Variants in CSMD1 observed in about 807,000 individuals in gnomAD.
The protein encoded by CSMD1 is CUB and sushi domain-containing protein 1.
In CSMD1, 213 loss-of-function variants were observed where a neutral mutation model predicts 417.5. The ratio of observed to expected loss-of-function variants is 0.51; its 90% CI spans 0.46 to 0.57. The LOEUF (loss-of-function observed/expected upper bound fraction) is 0.57, where lower values mean the gene tolerates loss of function less well. Ranked by LOEUF, CSMD1 falls within the 20% of genes least tolerant of loss-of-function variation. The pLI is 0.00. For missense variants in CSMD1, 6,923 were observed against 4,529.7 expected, an observed-to-expected ratio of 1.53 and a Z score of -15.17; for synonymous variants, 2,862 against 1,736.8, an observed-to-expected ratio of 1.65 and a Z score of -16.11.
At chr8:4,416,903 T>C (rs563477235) in intron 3 of CSMD1, among the ~76,000 whole-genome samples, 1 of 152,166 alleles carries the variant, frequency 6.6e-6, no homozygotes, top group South Asian at 2.1e-4. Flanking sequence ...ACTGGGCATA[T>C]CTAGGAATTT....
chr8:4,209,367 G>C (rs1267373551), intron 3 of CSMD1, among the ~76,000 whole-genome samples: 1 of 152,126 alleles, frequency 6.6e-6, no homozygotes, highest in Admixed American at 6.5e-5. Context: ...AGGACACATA[G>C]ATTCCCATCC....
chr8:3,924,847 C>T (rs562094659), intron 5 of CSMD1, among the ~76,000 whole-genome samples: 123 of 152,160 alleles, frequency 8.1e-4, no homozygotes, highest in Middle Eastern at 6.8e-3. Flanking sequence ...TTTTGTCAGG[C>T]GGTTCAAAAA....
intron 2 of CSMD1, among the ~76,000 whole-genome samples, chr8:4,557,181 T>A (rs1798133365): frequency 6.6e-6 from 1 of 152,198 alleles, no homozygotes. Flanking sequence ...AGTTAGAATT[T>A]GGTGACGGAT....
At chr8:4,255,321 G>C (rs907258832) in intron 3 of CSMD1, among the ~76,000 whole-genome samples, 1 of 152,136 alleles carries the variant, frequency 6.6e-6, no homozygotes, top group African/African-American at 2.4e-5. Flanking sequence ...TCCAGGAGGG[G>C]AGCTGTTAAT....
At chr8:4,733,930 T>C (rs926324990) in intron 1 of CSMD1, among the ~76,000 whole-genome samples, 3 of 152,166 alleles carry the variant, frequency 2.0e-5, no homozygotes, top group Non-Finnish European at 4.4e-5. Flanking sequence ...ATAGCATTTA[T>C]GGTAATTAGC....
intron 5 of CSMD1, among the ~76,000 whole-genome samples, chr8:3,812,226 G>A (rs1801129246): frequency 6.6e-6 from 1 of 152,086 alleles, no homozygotes; most frequent in Admixed American, 6.5e-5. Flanking sequence ...GTACTCAAAA[G>A]ATACAGGAAA....
Position 4,818,004 on chromosome 8 carries a change from T to C in CSMD1, c.85+176328A>G, listed in dbSNP as rs191370468. Among the ~76,000 whole-genome samples the C allele has an allele frequency of 3.3e-5, 5 of 152,288 alleles. No homozygotes were observed. In the East Asian group the frequency reaches 5.8e-4, roughly 18 times the overall value. ...TTCACATTGAGGTATTATGCATCATTATAATAAGGTTCAGTCAGCGTCACA... is the reference window on the plus strand; with the variant it reads ...TTCACATTGAGGTATTATGCATCATCATAATAAGGTTCAGTCAGCGTCACA... On this transcript the variant is annotated intron_variant, in intron 1 of 69. Coordinates refer to ENST00000635120, the MANE Select transcript of CSMD1 (RefSeq NM_033225.6).
intron 5 of CSMD1, among the ~76,000 whole-genome samples, chr8:3,858,885 C>A (rs1181176032): frequency 6.6e-6 from 1 of 152,028 alleles, no homozygotes; most frequent in East Asian, 1.9e-4. Context: ...TTTATCGTGA[C>A]AATGTAAATC....
At chr8:4,320,790 A>T (rs1799228380) in intron 3 of CSMD1, among the ~76,000 whole-genome samples, 1 of 152,076 alleles carries the variant, frequency 6.6e-6, no homozygotes, top group South Asian at 2.1e-4. Flanking sequence ...TTCCTCAAGG[A>T]TCTAGAACTA....
chr8:3,645,116 G>A (rs960893514), intron 7 of CSMD1, among the ~76,000 whole-genome samples: 2 of 151,900 alleles, frequency 1.3e-5, no homozygotes, highest in East Asian at 1.9e-4. Context: ...GCCTGCTAAG[G>A]CCATGTTCAA....
chr8:4,370,604 C>T (rs1227683835), intron 3 of CSMD1, among the ~76,000 whole-genome samples: 1 of 152,146 alleles, frequency 6.6e-6, no homozygotes, highest in Non-Finnish European at 1.5e-5. Flanking sequence ...TGCATAATCT[C>T]ATATTTTTGG....
chr8:4,835,331 G>T (rs1229289190), intron 1 of CSMD1, among the ~76,000 whole-genome samples: 1 of 152,114 alleles, frequency 6.6e-6, no homozygotes, highest in African/African-American at 2.4e-5. Context: ...TGACCATGAG[G>T]GTCAATGCAA....
At chr8:4,709,487 G>A (rs1017725131) in intron 1 of CSMD1, among the ~76,000 whole-genome samples, 3 of 152,212 alleles carry the variant, frequency 2.0e-5, no homozygotes, top group Non-Finnish European at 4.4e-5. Flanking sequence ...AACAGGGGGA[G>A]CCTCATGTGC....
chr8:3,906,608 G>A (rs996180651), intron 5 of CSMD1, among the ~76,000 whole-genome samples: 2 of 149,380 alleles, frequency 1.3e-5, no homozygotes, highest in Non-Finnish European at 3.0e-5. Context: ...TAATACTCTA[G>A]AATCTAACAA....
At position 3,947,934 on chromosome 8, in the gene CSMD1, G is replaced by A. The variant is rs192294964; in HGVS notation, c.818+49969C>T. 3.9e-5 allele frequency among the ~76,000 whole-genome samples: 6 copies of A among 152,268 alleles called. No homozygotes were observed. In the East Asian group the frequency reaches 1.2e-3, roughly 29 times the overall value. On this transcript the variant is annotated intron_variant, in intron 5 of 69. Coordinates refer to ENST00000635120, the MANE Select transcript of CSMD1 (RefSeq NM_033225.6). ...AAATCTCCAATGGTAGGCTGGGGGT[G>A]GCGTCTCATGCCTGTAATCCCAGCA...
At chr8:3,623,874 G>C (rs1213530603) in intron 7 of CSMD1, among the ~76,000 whole-genome samples, 1 of 152,110 alleles carries the variant, frequency 6.6e-6, no homozygotes, top group Non-Finnish European at 1.5e-5. Flanking sequence ...CTACTCTGGA[G>C]GCTGAGGCAG....
Position 4,119,735 on chromosome 8 carries a change from A to C in CSMD1, c.416-87636T>G, listed in dbSNP as rs1000803541. Among the ~76,000 whole-genome samples the C allele has an allele frequency of 4.6e-5, 7 of 152,190 alleles. No homozygotes were observed. In the East Asian group the frequency reaches 5.8e-4, roughly 13 times the overall value. Reference sequence around the variant, plus strand: ...GTCTGATCACAAACTTCCAGCCTCCAAACAGTGGGAAATGAACATCCATGG... The same window carrying C: ...GTCTGATCACAAACTTCCAGCCTCCCAACAGTGGGAAATGAACATCCATGG... On this transcript the variant is annotated intron_variant, in intron 3 of 69. Coordinates refer to ENST00000635120, the MANE Select transcript of CSMD1 (RefSeq NM_033225.6).
intron 3 of CSMD1, among the ~76,000 whole-genome samples, chr8:4,336,956 G>C (rs1800209215): frequency 6.6e-6 from 1 of 151,998 alleles, no homozygotes; most frequent in Admixed American, 6.6e-5. Context: ...TGTTGAAATG[G>C]AGCAAACCCT....
chr8:3,560,676 T>C (rs370315626), intron 10 of CSMD1, among the ~76,000 whole-genome samples: 4 of 152,192 alleles, frequency 2.6e-5, no homozygotes, highest in East Asian at 1.9e-4. Context: ...ACTGTCTTCA[T>C]GGAAACCATG....
Sources: allele counts gnomAD v4.1 joint callset (sites outside exome capture counted in the v4.1 genomes callset), GRCh38; gene constraint gnomAD v4.1.1; transcripts MANE v1.5; gene names NCBI Gene and HGNC (gene_info 2026-07-23, HGNC 2026-07-21).